Variants in DCAF8L2 observed in about 807,000 individuals in gnomAD.
The protein encoded by DCAF8L2 is DDB1- and CUL4-associated factor 8-like protein 2.
For missense variants in DCAF8L2, 430 were observed against 490.7 expected, an observed-to-expected ratio of 0.88 and a Z score of 1.17; for synonymous variants, 200 against 190.9, an observed-to-expected ratio of 1.05 and a Z score of -0.39.
chrX:27,497,953 T>A, the DCAF8L2 span, among the ~76,000 whole-genome samples: 2 of 112,514 alleles, frequency 1.8e-5, no homozygotes, highest in South Asian at 3.6e-4. Flanking sequence ...TCAGTCAGTA[T>A]AATGTCCTCA....
At chrX:27,481,718 A>T in the DCAF8L2 span, among the ~76,000 whole-genome samples, 36 of 111,877 alleles carry the variant, frequency 3.2e-4, no homozygotes, top group East Asian at 9.6e-3. Context: ...GTGAATTATT[A>T]TTCATTCACT....
chrX:27,554,139 C>T, the DCAF8L2 span, among the ~76,000 whole-genome samples: 8 of 111,341 alleles, frequency 7.2e-5, no homozygotes, highest in Non-Finnish European at 1.3e-4. Flanking sequence ...GCTCTCAGAT[C>T]CTAAAATATT....
At chrX:27,522,783 A>G in the DCAF8L2 span, among the ~76,000 whole-genome samples, 1 of 111,671 alleles carries the variant, frequency 9.0e-6, no homozygotes, top group Admixed American at 9.6e-5. Context: ...AGTCTGTAGC[A>G]TTTTTCATTT....
chrX:27,599,664 A>T (rs1926545927), intron 1 of DCAF8L2, among the ~76,000 whole-genome samples: 1 of 111,211 alleles, frequency 9.0e-6, no homozygotes, highest in Non-Finnish European at 1.9e-5. Flanking sequence ...AATTTCATAG[A>T]ATAGTACACA....
At chrX:27,668,727 C>T (rs1285121933) in intron 2 of DCAF8L2, among the ~76,000 whole-genome samples, 8 of 111,602 alleles carry the variant, frequency 7.2e-5, no homozygotes, top group Non-Finnish European at 7.5e-5. Context: ...CCGAGGCAGG[C>T]GGATTACCTG....
chrX:27,493,916 A>C, the DCAF8L2 span, among the ~76,000 whole-genome samples: 1 of 109,955 alleles, frequency 9.1e-6, no homozygotes, highest in African/African-American at 3.3e-5. Context: ...GATGTTTAGC[A>C]CTGTAAGATG....
the DCAF8L2 span, among the ~76,000 whole-genome samples, chrX:27,526,119 A>G: frequency 2.7e-5 from 3 of 111,757 alleles, no homozygotes; most frequent in Non-Finnish European, 3.8e-5. Flanking sequence ...CCTGCAGAGT[A>G]CTTTCCAACT....
intron 1 of DCAF8L2, among the ~76,000 whole-genome samples, chrX:27,604,304 C>G (rs1176750525): frequency 1.8e-5 from 2 of 110,932 alleles, no homozygotes; most frequent in East Asian, 5.7e-4. Flanking sequence ...AGATGAAATT[C>G]AATGCACAAT....
chrX:27,715,334 T>TC (rs1344315303), intron 3 of DCAF8L2, among the ~76,000 whole-genome samples: 1 of 88,556 alleles, frequency 1.1e-5, no homozygotes, highest in Non-Finnish European at 2.1e-5. Context: ...GCCACTGCAC[T>TC]CCAACCTGGG....
the DCAF8L2 span, among the ~76,000 whole-genome samples, chrX:27,580,590 C>T: frequency 1.4e-4 from 16 of 111,435 alleles, no homozygotes; most frequent in African/African-American, 2.0e-4. Context: ...GAAGGACTGC[C>T]AGGGTACATA....
chrX:27,736,776 G>A (rs909239277), intron 4 of DCAF8L2, among the ~76,000 whole-genome samples: 1 of 111,571 alleles, frequency 9.0e-6, no homozygotes, highest in African/African-American at 3.3e-5. Context: ...GAACTTGAGG[G>A]TGGTCTCTGA....
chrX:27,620,732 A>G (rs7053791), intron 1 of DCAF8L2, among the ~76,000 whole-genome samples: 9,052 of 111,725 alleles, frequency 0.081, 699 homozygotes, highest in African/African-American at 0.24. Flanking sequence ...TGATAATGTA[A>G]AATGGTATAA....
At chrX:27,720,023 A>C (rs917733775) in intron 4 of DCAF8L2, among the ~76,000 whole-genome samples, 3 of 110,612 alleles carry the variant, frequency 2.7e-5, no homozygotes, top group African/African-American at 9.9e-5. Context: ...TTGTATCTTT[A>C]TCTTACATAT....
At chrX:27,596,168 T>C (rs111248699) in intron 1 of DCAF8L2, among the ~76,000 whole-genome samples, 3,741 of 112,332 alleles carry the variant, frequency 0.033, 133 homozygotes, top group African/African-American at 0.11. Context: ...CATTATACTT[T>C]GAAGATTTTA....
At chrX:27,580,855 C>T in the DCAF8L2 span, among the ~76,000 whole-genome samples, 1 of 111,772 alleles carries the variant, frequency 8.9e-6, no homozygotes, top group Non-Finnish European at 1.9e-5. Context: ...CCAGTGCTAT[C>T]CAATATAAAT....
At chrX:27,627,925 TAAAAA>T (rs34205237) in intron 1 of DCAF8L2, among the ~76,000 whole-genome samples, 1 of 93,462 alleles carries the variant, frequency 1.1e-5, no homozygotes, top group South Asian at 5.1e-4. Flanking sequence ...AGACTCCATC[TAAAAA>T]AAAAAAAAAC....
chrX:27,646,075 T>C (rs751509626), intron 2 of DCAF8L2, among the ~76,000 whole-genome samples: 5 of 111,879 alleles, frequency 4.5e-5, no homozygotes, highest in Non-Finnish European at 7.5e-5. Flanking sequence ...TTTTAATTCA[T>C]ATGGAACCAA....
At chrX:27,584,282 T>C in the DCAF8L2 span, among the ~76,000 whole-genome samples, 1 of 110,484 alleles carries the variant, frequency 9.1e-6, no homozygotes, top group African/African-American at 3.3e-5. Flanking sequence ...AAACAGAAAA[T>C]CAAGTCTGTT....
chrX:27,497,220 A>T, the DCAF8L2 span, among the ~76,000 whole-genome samples: 11 of 112,065 alleles, frequency 9.8e-5, no homozygotes, highest in Non-Finnish European at 1.9e-4. Context: ...GCCCCTGCTG[A>T]AGTATAAGTA....
Sources: allele counts gnomAD v4.1 joint callset (sites outside exome capture counted in the v4.1 genomes callset), GRCh38; gene constraint gnomAD v4.1.1; transcripts MANE v1.5; gene names NCBI Gene and HGNC (gene_info 2026-07-23, HGNC 2026-07-21).